The following NCAM1 variants were observed in gnomAD, a reference collection of about 807,000 sequenced individuals.
NCAM1 encodes the protein neural cell adhesion molecule 1, also known as antigen recognized by monoclonal antibody 5.1H11.
NCAM1 carries 14 observed loss-of-function variants against 109.8 expected under a neutral mutation model. The observed-to-expected ratio is 0.13, with a 90% CI of 0.08 to 0.20. NCAM1 has a LOEUF of 0.20. Ranked by LOEUF, NCAM1 falls within the 10% of genes least tolerant of loss-of-function variation. The pLI, the probability that NCAM1 is intolerant of heterozygous loss-of-function variation, is 1.00. For synonymous variants in NCAM1, 418 were observed against 442.9 expected, an observed-to-expected ratio of 0.94 and a Z score of 0.70; for missense variants, 774 against 1,109.9, an observed-to-expected ratio of 0.70 and a Z score of 4.30.
At chr11:113,045,999 A>T (rs782350841) in intron 1 of NCAM1, among the ~76,000 whole-genome samples, 29 of 152,326 alleles carry the variant, frequency 1.9e-4, no homozygotes, top group Non-Finnish European at 3.5e-4. Context: ...GAATTGTGGT[A>T]TGTTTCTAAA....
At chr11:113,000,644 G>A (rs557160213) in intron 1 of NCAM1, among the ~76,000 whole-genome samples, 57 of 151,828 alleles carry the variant, frequency 3.8e-4, no homozygotes, top group Admixed American at 9.2e-4. Flanking sequence ...ATCTTCTGGG[G>A]GTCAGAATGG....
chr11:112,975,700 T>G (rs1460941049), intron 1 of NCAM1, among the ~76,000 whole-genome samples: 1 of 151,976 alleles, frequency 6.6e-6, no homozygotes, highest in Non-Finnish European at 1.5e-5. Context: ...GTCAGTTAAC[T>G]GCCCTAGGTT....
intron 1 of NCAM1, among the ~76,000 whole-genome samples, chr11:113,096,412 G>A (rs1555090443): frequency 6.6e-6 from 1 of 152,196 alleles, no homozygotes; most frequent in Non-Finnish European, 1.5e-5. Context: ...CGTGAGAGAT[G>A]TTAATGTGTT....
intron 1 of NCAM1, among the ~76,000 whole-genome samples, chr11:113,176,619 C>T (rs1943151707): frequency 6.6e-6 from 1 of 152,188 alleles, no homozygotes; most frequent in Non-Finnish European, 1.5e-5. Context: ...ACAAAACACT[C>T]CATGGTTTTC....
At chr11:113,080,311 T>A (rs1402276122) in intron 1 of NCAM1, among the ~76,000 whole-genome samples, 1 of 152,150 alleles carries the variant, frequency 6.6e-6, no homozygotes, top group African/African-American at 2.4e-5. Flanking sequence ...TTCCCCAAAG[T>A]CTGAAATGTC....
chr11:113,173,282 A>G (rs1456198315), intron 1 of NCAM1, among the ~76,000 whole-genome samples: 2 of 152,166 alleles, frequency 1.3e-5, no homozygotes, highest in Admixed American at 6.5e-5. Flanking sequence ...TTTTAATTAG[A>G]AAAATTCTGC....
intron 1 of NCAM1, among the ~76,000 whole-genome samples, chr11:113,081,612 G>A (rs1360230619): frequency 1.3e-5 from 2 of 151,720 alleles, no homozygotes; most frequent in Admixed American, 6.6e-5. Flanking sequence ...TCGGCTCACT[G>A]CAACCTCTGC....
intron 1 of NCAM1, among the ~76,000 whole-genome samples, chr11:113,019,386 A>G (rs1952316116): frequency 6.6e-6 from 1 of 152,164 alleles, no homozygotes; most frequent in Non-Finnish European, 1.5e-5. Flanking sequence ...TAGTGCTAAC[A>G]TTTGCCTGAT....
At chr11:113,199,124 A>G (rs1377575332) in intron 1 of NCAM1, among the ~76,000 whole-genome samples, 4 of 152,196 alleles carry the variant, frequency 2.6e-5, no homozygotes, top group African/African-American at 4.8e-5. Flanking sequence ...AAGATGATGC[A>G]GTATTTACGC....
chr11:113,061,950 T>C (rs1555083500), intron 1 of NCAM1, among the ~76,000 whole-genome samples: 1 of 152,176 alleles, frequency 6.6e-6, no homozygotes, highest in African/African-American at 2.4e-5. Context: ...GATGGTTCAT[T>C]TTCTGAGGAC....
At chr11:113,135,363 G>A (rs1555099197) in intron 1 of NCAM1, among the ~76,000 whole-genome samples, 2 of 152,162 alleles carry the variant, frequency 1.3e-5, no homozygotes, top group Non-Finnish European at 2.9e-5. Flanking sequence ...TTGAGAGTAT[G>A]TCCTAGACTG....
chr11:113,265,254 C>A, intron 17 of NCAM1: 1 of 736,980 alleles, frequency 1.4e-6, no homozygotes, highest in Non-Finnish European at 1.7e-6. Flanking sequence ...CAGCAAAGAC[C>A]CTTTCCCTCC....
intron 1 of NCAM1, among the ~76,000 whole-genome samples, chr11:113,098,831 T>C (rs954147461): frequency 1.3e-5 from 2 of 152,082 alleles, no homozygotes; most frequent in Non-Finnish European, 2.9e-5. Context: ...AGAATATAGG[T>C]TGGGCAGGTC....
At chr11:113,245,794 T>C (rs1385216003) in intron 14 of NCAM1, among the ~76,000 whole-genome samples, 1 of 152,216 alleles carries the variant, frequency 6.6e-6, no homozygotes, top group Non-Finnish European at 1.5e-5. Context: ...AATACAATCT[T>C]TTGTTCTTCT....
chr11:113,098,787 G>A (rs1555090941), intron 1 of NCAM1, among the ~76,000 whole-genome samples: 1 of 152,188 alleles, frequency 6.6e-6, no homozygotes, highest in African/African-American at 2.4e-5. Context: ...GTTTGAGCTA[G>A]TTTGTTGGGC....
Position 113,273,817 on chromosome 11 carries a change from GTCC to G in NCAM1, c.2457-1445_2457-1443del, listed in dbSNP as rs1170517620. The stretch of plus-strand genomic sequence containing the variant: ...GTGGTGTGCATTTGTGCTGTGCTGT[GTCC>G]TCCTTGTTAGATGTGTCTTCAGCCT... On this transcript the variant is annotated intron_variant, in intron 19 of 19. Transcript: ENST00000316851. This position sits in a 1 kb window ranked among gnomAD's most constrained non-coding sequence, Gnocchi z 6.0. The G allele has an allele frequency of 9.6e-6, 3 of 311,892 alleles. No homozygotes were observed. In the East Asian group the frequency reaches 3.0e-4, roughly 31 times the overall value. 19.3% of individuals were successfully genotyped at this position (311,892 alleles called of 1,614,324 possible).
intron 14 of NCAM1, 104 bp downstream of exon 14, chr11:113,235,268 T>A (rs1308955536): frequency 8.7e-6 from 14 of 1,605,048 alleles, no homozygotes; most frequent in Admixed American, 1.7e-5. Context: ...CCACAGCTTT[T>A]TGTCTTTCAG....
intron 1 of NCAM1, among the ~76,000 whole-genome samples, chr11:113,116,785 T>C (rs1940733863): frequency 6.6e-6 from 1 of 151,858 alleles, no homozygotes; most frequent in Non-Finnish European, 1.5e-5. Context: ...TCTTTCTATG[T>C]CCTTTCTGGC....
chr11:113,177,982 T>C (rs1196338803), intron 1 of NCAM1, among the ~76,000 whole-genome samples: 1 of 152,100 alleles, frequency 6.6e-6, no homozygotes, highest in African/African-American at 2.4e-5. Flanking sequence ...GTGGGAGGAA[T>C]GCTATTTTAG....
Sources: gnomAD v4.1 joint callset for allele counts (sites outside exome capture counted in the v4.1 genomes callset) on GRCh38, gnomAD v4.1.1 for gene constraint, Gnocchi (gnomAD v3.1) non-coding constraint, MANE v1.5 for transcripts, NCBI Gene and HGNC (gene_info 2026-07-23, HGNC 2026-07-21) for gene names.